The following PTPRD variants were observed in gnomAD, a reference collection of about 807,000 sequenced individuals.
The protein encoded by PTPRD is receptor-type tyrosine-protein phosphatase delta.
Under a neutral mutation model 214.5 loss-of-function variants are expected in PTPRD, and 34 were observed. The ratio of observed to expected loss-of-function variants is 0.16; its 90% CI spans 0.12 to 0.21. The LOEUF is 0.21. Among genes scored for constraint, PTPRD ranks in the 10% least tolerant of loss-of-function variants. The pLI, the probability that PTPRD is intolerant of heterozygous loss-of-function variation, is 1.00. For missense variants in PTPRD, 2,545 were observed against 2,398.7 expected, an observed-to-expected ratio of 1.06 and a Z score of -1.27; for synonymous variants, 1,128 against 845.7, an observed-to-expected ratio of 1.33 and a Z score of -5.79.
intron 3 of PTPRD, among the ~76,000 whole-genome samples, chr9:10,207,864 C>G (rs1041527649): frequency 1.1e-4 from 16 of 151,502 alleles, no homozygotes; most frequent in Admixed American, 1.1e-3. Flanking sequence ...ACAACAACAA[C>G]AGAAAAAAAA....
At chr9:9,198,730 G>A (rs1353221121) in intron 9 of PTPRD, among the ~76,000 whole-genome samples, 1 of 152,162 alleles carries the variant, frequency 6.6e-6, no homozygotes, top group African/African-American at 2.4e-5. Flanking sequence ...GATGCCTTAT[G>A]ATTCCCTTGG....
At chr9:9,811,108 C>T (rs1459120651) in intron 5 of PTPRD, among the ~76,000 whole-genome samples, 1 of 151,920 alleles carries the variant, frequency 6.6e-6, no homozygotes, top group Admixed American at 6.6e-5. Context: ...CATGGTGGTG[C>T]ACACCTATAA....
chr9:9,498,387 C>T (rs543010239), intron 8 of PTPRD, among the ~76,000 whole-genome samples: 1 of 152,178 alleles, frequency 6.6e-6, no homozygotes, highest in Non-Finnish European at 1.5e-5. Flanking sequence ...TAAATCCATG[C>T]TGTAATTTAA....
intron 8 of PTPRD, among the ~76,000 whole-genome samples, chr9:9,532,698 A>G (rs1020952800): frequency 3.9e-5 from 6 of 152,146 alleles, no homozygotes; most frequent in African/African-American, 1.4e-4. Context: ...TTTGAAACCC[A>G]TAACAGATGG....
chr9:8,497,104 G>A (rs764789169), intron 26 of PTPRD, 138 bp downstream of exon 26: 44 of 734,816 alleles, frequency 6.0e-5, no homozygotes, highest in Non-Finnish European at 8.4e-5. Context: ...GCACCACACA[G>A]TGAAGATAAC....
chr9:10,084,858 G>C (rs1238303686), intron 3 of PTPRD, among the ~76,000 whole-genome samples: 2 of 151,790 alleles, frequency 1.3e-5, no homozygotes, highest in African/African-American at 4.8e-5. Flanking sequence ...AGCATGCTTA[G>C]AACATAATAC....
chr9:10,143,813 A>T (rs1021856237), intron 3 of PTPRD, among the ~76,000 whole-genome samples: 16 of 152,128 alleles, frequency 1.1e-4, no homozygotes, highest in African/African-American at 3.9e-4. Flanking sequence ...GCAGAAAGCC[A>T]AATACCACAT....
In PTPRD at chr9:9,735,390, G is replaced by A. The variant is rs1005745495; in HGVS notation, c.-325-819C>T. Among the ~76,000 whole-genome samples the A allele has an allele frequency of 7.9e-5, 12 of 152,014 alleles. No homozygotes were observed. The East Asian group carries it at 1.3e-3, about 17-fold the overall frequency. On this transcript the variant is annotated intron_variant, in intron 6 of 45. Coordinates refer to ENST00000381196, the MANE Select transcript of PTPRD (RefSeq NM_002839.4). ...GCCTTTTCCTTTTGTCTTGGGAATC[G>A]AGTTTGAAACTACACATTTGAAAAA...
intron 4 of PTPRD, among the ~76,000 whole-genome samples, chr9:9,958,552 C>G (rs747475730): frequency 6.6e-6 from 1 of 151,924 alleles, no homozygotes; most frequent in Non-Finnish European, 1.5e-5. Flanking sequence ...ACAACAGCAA[C>G]AAAACAAACA....
intron 9 of PTPRD, among the ~76,000 whole-genome samples, chr9:9,220,733 A>T (rs1169313036): frequency 6.6e-6 from 1 of 152,096 alleles, no homozygotes; most frequent in Non-Finnish European, 1.5e-5. Flanking sequence ...ATTTGACTAT[A>T]TGTAGGAATG....
intron 3 of PTPRD, among the ~76,000 whole-genome samples, chr9:10,148,942 G>T (rs1168256915): frequency 1.3e-5 from 2 of 152,168 alleles, no homozygotes; most frequent in Non-Finnish European, 2.9e-5. Context: ...GAGCTGAATA[G>T]TAGCAGAGAG....
intron 6 of PTPRD, among the ~76,000 whole-genome samples, chr9:9,759,553 G>GTTTTTTTTTTTTTTTT (rs1597016286): frequency 3.1e-5 from 4 of 130,752 alleles, no homozygotes; most frequent in East Asian, 3.6e-4. Flanking sequence ...GTCAAGGTCT[G>GTTTTTTTTTTTTTTTT]TCTTTTTTTT....
At chr9:9,025,457 C>T (rs936179031) in intron 10 of PTPRD, among the ~76,000 whole-genome samples, 1 of 151,976 alleles carries the variant, frequency 6.6e-6, no homozygotes, top group Admixed American at 6.6e-5. Context: ...TGTGTATACT[C>T]CTCTAGACTT....
chr9:8,920,458 TAAAC>T (rs1447015538), intron 11 of PTPRD, among the ~76,000 whole-genome samples: 1 of 152,198 alleles, frequency 6.6e-6, no homozygotes, highest in Non-Finnish European at 1.5e-5. Flanking sequence ...AAATGATTAA[TAAAC>T]AAACCCAGCC....
At position 8,393,006 on chromosome 9, in the gene PTPRD, T is replaced by C. The variant is rs10977033; in HGVS notation, c.4211-3599A>G. ...AATGTGACATATTTAGAAAGACTTT[T>C]CAACCAACACTGTGAAAATAAACAA... On this transcript the variant is annotated intron_variant, in intron 36 of 45. Transcript: ENST00000381196. Among the ~76,000 whole-genome samples, 1,011 of 152,318 alleles carry C rather than the reference T, an allele frequency of 6.6e-3. 14 individuals are homozygous for C. Among genetic ancestry groups the C allele is most frequent in the African/African-American group, 0.023 (968 of 41,584 alleles).
At chr9:8,553,465 C>T (rs1186558168) in intron 14 of PTPRD, among the ~76,000 whole-genome samples, 4 of 152,072 alleles carry the variant, frequency 2.6e-5, no homozygotes, top group African/African-American at 9.7e-5. Context: ...GCATTAATTC[C>T]ACTCTAAAAT....
intron 5 of PTPRD, among the ~76,000 whole-genome samples, chr9:9,886,759 C>CA (rs934664963): frequency 4.6e-5 from 7 of 152,152 alleles, no homozygotes; most frequent in Admixed American, 4.6e-4. Context: ...TTTGCTGGAA[C>CA]ACTTGCCAGT....
intron 9 of PTPRD, among the ~76,000 whole-genome samples, chr9:9,353,524 CTGGAAAA>C (rs2052356090): frequency 6.6e-6 from 1 of 151,558 alleles, no homozygotes; most frequent in South Asian, 2.1e-4. Flanking sequence ...CTTGAGTGAT[CTGGAAAA>C]ATGCGGTCAT....
intron 10 of PTPRD, among the ~76,000 whole-genome samples, chr9:9,021,011 A>T (rs975074141): frequency 1.3e-5 from 2 of 152,194 alleles, no homozygotes; most frequent in Non-Finnish European, 2.9e-5. Context: ...TGTAGGCAGG[A>T]CACAAAAACA....
Sources: gnomAD v4.1 joint callset for allele counts (sites outside exome capture counted in the v4.1 genomes callset) on GRCh38, gnomAD v4.1.1 for gene constraint, MANE v1.5 for transcripts, NCBI Gene and HGNC (gene_info 2026-07-23, HGNC 2026-07-21) for gene names.